Variants in CACNA1C observed in about 807,000 individuals in gnomAD.
CACNA1C encodes the protein voltage-dependent L-type calcium channel subunit alpha-1C.
Under a neutral mutation model 229.0 loss-of-function variants are expected in CACNA1C, and 30 were observed. That is an observed-to-expected ratio of 0.13 (90% confidence interval 0.10 to 0.18). CACNA1C has a LOEUF of 0.18. CACNA1C is among the 10% of genes least tolerant of loss of function. CACNA1C has a pLI of 1.00. For synonymous variants in CACNA1C, 1,114 were observed against 1,132.5 expected (o/e 0.98, Z 0.33); for missense variants, 1,658 against 2,845.0 (o/e 0.58, Z 9.49).
chr12:2,185,065 GTA>G (rs145681417), intron 3 of CACNA1C, among the ~76,000 whole-genome samples: 9,639 of 152,176 alleles, frequency 0.063, 990 homozygotes, highest in African/African-American at 0.22. Flanking sequence ...CAACGCAGCT[GTA>G]GTTCATTCAC....
At chr12:2,096,517 T>C (rs995481773) in intron 1 of CACNA1C, among the ~76,000 whole-genome samples, 2 of 152,214 alleles carry the variant, frequency 1.3e-5, no homozygotes, top group Non-Finnish European at 2.9e-5. Context: ...GGGATGTTCT[T>C]CCAAGTATTC....
chr12:2,314,239 GC>G (rs1370802101), intron 3 of CACNA1C, among the ~76,000 whole-genome samples: 5 of 152,170 alleles, frequency 3.3e-5, no homozygotes, highest in African/African-American at 1.2e-4. Flanking sequence ...ATATTCAGAT[GC>G]CCAGGGACAT....
At position 2,597,047 on chromosome 12, in the gene CACNA1C, G is replaced by A. The variant is rs952444232; in HGVS notation, c.2794-183G>A. 1.1e-4 allele frequency among the ~76,000 whole-genome samples: 17 copies of A among 152,096 alleles called. No individual in the cohort carries two copies. Among genetic ancestry groups the A allele is most frequent in the Non-Finnish European group, 2.2e-4 (15 of 68,030 alleles). On this transcript the variant is annotated intron_variant, in intron 20 of 46. Transcript: ENST00000399655. This position sits in a 1 kb window ranked among gnomAD's most constrained non-coding sequence, Gnocchi z 4.3. Reference sequence around the variant, plus strand: ...CTGCCTGAGGCTAGCCCCGCCTCAGGATGTCTGTGTGTGTGCCGCTTGCCC... The same window carrying A: ...CTGCCTGAGGCTAGCCCCGCCTCAGAATGTCTGTGTGTGTGCCGCTTGCCC...
intron 3 of CACNA1C, among the ~76,000 whole-genome samples, chr12:2,420,067 C>G (rs191894191): frequency 6.7e-6 from 1 of 149,310 alleles, no homozygotes; most frequent in Non-Finnish European, 1.5e-5. Flanking sequence ...GTCAGGACAA[C>G]GCAGCCAGAC....
At chr12:2,242,891 C>A (rs969829786) in intron 3 of CACNA1C, among the ~76,000 whole-genome samples, 1 of 152,188 alleles carries the variant, frequency 6.6e-6, no homozygotes, top group African/African-American at 2.4e-5. Context: ...GTGTGGTTAG[C>A]AGGGGCAAGT....
intron 10 of CACNA1C, among the ~76,000 whole-genome samples, chr12:2,553,552 C>A (rs2042458387): frequency 6.6e-6 from 1 of 152,192 alleles, no homozygotes; most frequent in Non-Finnish European, 1.5e-5. Context: ...AGCACTGATG[C>A]CACGGTGGAG....
intron 1 of CACNA1C, among the ~76,000 whole-genome samples, chr12:2,071,829 ATCTTTT>A (rs2061448487): frequency 6.6e-6 from 1 of 152,184 alleles, no homozygotes; most frequent in East Asian, 1.9e-4. Context: ...TTCATAGAGT[ATCTTTT>A]TCCCTTTATA....
chr12:2,146,350 G>A (rs1156970320), intron 3 of CACNA1C, among the ~76,000 whole-genome samples: 1 of 151,384 alleles, frequency 6.6e-6, no homozygotes, highest in Non-Finnish European at 1.5e-5. Flanking sequence ...TGGCACTTGA[G>A]TGAGGCCGTC....
At chr12:2,656,209 A>C (rs142127074) in intron 34 of CACNA1C, among the ~76,000 whole-genome samples, 3 of 152,346 alleles carry the variant, frequency 2.0e-5, no homozygotes, top group East Asian at 3.9e-4. Context: ...GACCACCAAA[A>C]TCTATTACAA....
intron 1 of CACNA1C, among the ~76,000 whole-genome samples, chr12:2,110,718 C>G (rs1434689614): frequency 1.3e-5 from 2 of 152,180 alleles, no homozygotes; most frequent in Non-Finnish European, 2.9e-5. Flanking sequence ...ACTGGTAGAA[C>G]ATTTCAAGTG....
Position 2,567,555 on chromosome 12 carries a change from C to T in CACNA1C, c.1670-14C>T, listed in dbSNP as rs1184132854. On this transcript the variant is annotated splice_polypyrimidine_tract_variant and intron_variant, in intron 12 of 46. Coordinates refer to ENST00000399655, the MANE Select transcript of CACNA1C (RefSeq NM_000719.7). ...GGCCCTGCTCGGATCTCATCCCTCTCCTGGGCCTGCCAGACACGGCAAACA... is the reference window on the plus strand; with the variant it reads ...GGCCCTGCTCGGATCTCATCCCTCTTCTGGGCCTGCCAGACACGGCAAACA... 2.1e-5 allele frequency: 33 copies of T among 1,552,870 alleles called. No individual in the cohort carries two copies. The highest frequency in any genetic ancestry group is 2.6e-5 in the Non-Finnish European group (30 of 1,142,494).
chr12:2,513,038 G>C, intron 9 of CACNA1C, 54 bp downstream of exon 9: 1 of 1,465,852 alleles, frequency 6.8e-7, no homozygotes, highest in Non-Finnish European at 9.3e-7. Flanking sequence ...AGAGGAGACA[G>C]CATCGGGGTC....
chr12:2,398,691 A>C (rs1403645606), intron 3 of CACNA1C, among the ~76,000 whole-genome samples: 1 of 152,208 alleles, frequency 6.6e-6, no homozygotes, highest in African/African-American at 2.4e-5. Context: ...CCAAAGCTGC[A>C]GAAAGAGAGG....
At chr12:2,463,104 G>GA (rs397792405) in intron 5 of CACNA1C, among the ~76,000 whole-genome samples, 5 of 150,934 alleles carry the variant, frequency 3.3e-5, no homozygotes. Context: ...GTAGAGACGG[G>GA]TTTCACCGGT....
At chr12:2,538,038 C>G (rs1370135552) in intron 9 of CACNA1C, among the ~76,000 whole-genome samples, 1 of 152,072 alleles carries the variant, frequency 6.6e-6, no homozygotes, top group Non-Finnish European at 1.5e-5. Context: ...TCCGTGGTGC[C>G]CTAATGGTGG....
intron 3 of CACNA1C, among the ~76,000 whole-genome samples, chr12:2,251,280 A>G (rs192075330): frequency 6.5e-4 from 99 of 152,246 alleles, no homozygotes; most frequent in African/African-American, 2.3e-3. Flanking sequence ...GTCTACTGAC[A>G]TGTCTCCTGG....
At chr12:2,072,145 A>G (rs2061563929) in intron 1 of CACNA1C, among the ~76,000 whole-genome samples, 1 of 151,538 alleles carries the variant, frequency 6.6e-6, no homozygotes, top group African/African-American at 2.4e-5. Flanking sequence ...GTAAGGGGAA[A>G]CTCTTCAAAT....
At chr12:2,310,442 A>G (rs2095374284) in intron 3 of CACNA1C, among the ~76,000 whole-genome samples, 2 of 152,176 alleles carry the variant, frequency 1.3e-5, no homozygotes, top group South Asian at 2.1e-4. Flanking sequence ...TGGGGGAGGC[A>G]AAATGACATT....
chr12:2,307,093 T>G (rs1166118719), intron 3 of CACNA1C, among the ~76,000 whole-genome samples: 1 of 152,194 alleles, frequency 6.6e-6, no homozygotes, highest in Non-Finnish European at 1.5e-5. Context: ...ACACCTCTTC[T>G]TGGGCCTGCT....
Sources: allele counts gnomAD v4.1 joint callset (sites outside exome capture counted in the v4.1 genomes callset), GRCh38; gene constraint gnomAD v4.1.1; non-coding constraint Gnocchi (gnomAD v3.1); transcripts MANE v1.5; gene names NCBI Gene and HGNC (gene_info 2026-07-23, HGNC 2026-07-21).